The following MTUS2 variants were observed in gnomAD, a reference collection of about 807,000 sequenced individuals.
MTUS2 encodes microtubule associated scaffold protein 2, also known as microtubule-associated tumor suppressor candidate 2.
A neutral mutation model predicts 114.1 loss-of-function variants in MTUS2; 40 were observed. The ratio of observed to expected loss-of-function variants is 0.35; its 90% CI spans 0.27 to 0.46. The LOEUF (loss-of-function observed/expected upper bound fraction) is 0.46. Ranked by LOEUF, MTUS2 falls within the 20% of genes least tolerant of loss-of-function variation. The pLI is 1.00. For missense variants in MTUS2, 1,679 were observed against 1,705.4 expected (o/e 0.98, Z 0.27); for synonymous variants, 688 against 672.0 (o/e 1.02, Z -0.37).
At chr13:29,076,350 A>G (rs2475521) in intron 4 of MTUS2, among the ~76,000 whole-genome samples, 152,331 of 152,370 alleles carry the variant, frequency 1, 76,146 homozygotes, top group Non-Finnish European at 1. Flanking sequence ...ATATGTTGCT[A>G]AATAACAAAT....
intron 2 of MTUS2, among the ~76,000 whole-genome samples, chr13:28,933,041 G>A (rs1881698705): frequency 6.6e-6 from 1 of 151,730 alleles, no homozygotes; most frequent in African/African-American, 2.4e-5. Flanking sequence ...GTGTCTCCTG[G>A]AAATTTGTTA....
At chr13:29,358,088 T>G (rs373986620) in intron 7 of MTUS2, among the ~76,000 whole-genome samples, 1 of 152,166 alleles carries the variant, frequency 6.6e-6, no homozygotes, top group Non-Finnish European at 1.5e-5. Context: ...GATTTATGAT[T>G]GTGCTGGTCA....
At chr13:28,874,019 T>G in intron 2 of MTUS2, among the ~76,000 whole-genome samples, 1 of 152,208 alleles carries the variant, frequency 6.6e-6, no homozygotes, top group South Asian at 2.1e-4. Flanking sequence ...TGAGATGAAC[T>G]TAATTTTTTC....
At chr13:28,934,193 A>G (rs1198601040) in intron 2 of MTUS2, among the ~76,000 whole-genome samples, 1 of 152,246 alleles carries the variant, frequency 6.6e-6, no homozygotes, top group East Asian at 1.9e-4. Flanking sequence ...AGTGTAACAC[A>G]AAAGTCAGCC....
At chr13:29,355,252 TG>T (rs2138203892) in intron 7 of MTUS2, among the ~76,000 whole-genome samples, 1 of 152,360 alleles carries the variant, frequency 6.6e-6, no homozygotes, top group South Asian at 2.1e-4. Context: ...GCAAACTGTT[TG>T]CATCCACCTT....
At position 29,143,699 on chromosome 13, in the gene MTUS2, A is replaced by G. The variant is rs75607259; in HGVS notation, c.2644+42729A>G. Among the ~76,000 whole-genome samples, 421 of 152,330 alleles carry G rather than the reference A, an allele frequency of 2.8e-3. 2 individuals carry two copies. Among genetic ancestry groups the G allele is most frequent in the African/African-American group, 9.6e-3 (399 of 41,584 alleles). Reference sequence around the variant, plus strand: ...ATGAAATATTTAGTTGGAGAAAAGTAGCTAGCTCATTGAAGTAACTGATGA... The same window carrying G: ...ATGAAATATTTAGTTGGAGAAAAGTGGCTAGCTCATTGAAGTAACTGATGA... On this transcript the variant is annotated intron_variant, in intron 5 of 15. Coordinates refer to ENST00000612955, the MANE Select transcript of MTUS2 (RefSeq NM_001033602.4).
chr13:29,363,549 A>G (rs981458856), intron 8 of MTUS2, among the ~76,000 whole-genome samples: 2 of 152,170 alleles, frequency 1.3e-5, no homozygotes, highest in African/African-American at 4.8e-5. Context: ...ACCTTTTATC[A>G]CAAAAAAAAT....
At chr13:29,342,444 A>G (rs1901449397) in intron 7 of MTUS2, among the ~76,000 whole-genome samples, 1 of 151,890 alleles carries the variant, frequency 6.6e-6, no homozygotes, top group Non-Finnish European at 1.5e-5. Flanking sequence ...TGAGTTCTTG[A>G]TTTGATTGTC....
chr13:29,234,199 A>G (rs1221521801), intron 5 of MTUS2, among the ~76,000 whole-genome samples: 2 of 152,188 alleles, frequency 1.3e-5, no homozygotes, highest in Non-Finnish European at 2.9e-5. Flanking sequence ...TTTTCACTTC[A>G]AAGATATCTA....
intron 8 of MTUS2, among the ~76,000 whole-genome samples, chr13:29,392,647 T>C (rs938458703): frequency 2.0e-5 from 3 of 152,226 alleles, no homozygotes; most frequent in Admixed American, 6.5e-5. Context: ...TGCTCCTAGC[T>C]CAGCAACTGG....
At chr13:28,837,920 T>C (rs1875205987) in intron 1 of MTUS2, among the ~76,000 whole-genome samples, 1 of 151,338 alleles carries the variant, frequency 6.6e-6, no homozygotes, top group African/African-American at 2.5e-5. Flanking sequence ...TTTACTTTGC[T>C]TGCATTTCAT....
At chr13:28,832,771 C>CAGTA (rs1555265978) in intron 1 of MTUS2, among the ~76,000 whole-genome samples, 2 of 2,882 alleles carry the variant, frequency 6.9e-4, no homozygotes, top group Non-Finnish European at 1.5e-3. Flanking sequence ...AATAGAAAAA[C>CAGTA]AATAAAATCA....
At chr13:28,952,740 C>T (rs921966358) in intron 2 of MTUS2, among the ~76,000 whole-genome samples, 4 of 152,196 alleles carry the variant, frequency 2.6e-5, no homozygotes, top group African/African-American at 7.2e-5. Flanking sequence ...AACAAAACTT[C>T]GTAGAAGCAT....
intron 5 of MTUS2, among the ~76,000 whole-genome samples, chr13:29,166,772 C>G (rs1893333366): frequency 6.6e-6 from 1 of 152,052 alleles, no homozygotes; most frequent in Non-Finnish European, 1.5e-5. Context: ...GGTCAGTAGC[C>G]TACCATTGTT....
At position 29,393,435 on chromosome 13, in the gene MTUS2, C is replaced by A. The variant is rs544377034; in HGVS notation, c.3117+33962C>A. ...TCTCCCAAAATGGACCTGCAGCTAC[C>A]CCATAACTTTCTGATGAATAACACC... On this transcript the variant is annotated intron_variant, in intron 8 of 15. Coordinates refer to ENST00000612955, the MANE Select transcript of MTUS2 (RefSeq NM_001033602.4). Among the ~76,000 whole-genome samples, 95 of 152,258 alleles carry A rather than the reference C, an allele frequency of 6.2e-4. 1 individual carries two copies. Among genetic ancestry groups the A allele is most frequent in the African/African-American group, 2.2e-3 (93 of 41,550 alleles).
intron 4 of MTUS2, among the ~76,000 whole-genome samples, chr13:29,044,929 C>G (rs1266412352): frequency 1.3e-5 from 2 of 152,138 alleles, no homozygotes; most frequent in Non-Finnish European, 2.9e-5. Flanking sequence ...TCCTTGCTGG[C>G]TATCAGTCAG....
chr13:29,281,751 C>T lies in MTUS2; in HGVS notation c.2692C>T (p.Pro898Ser). 6.2e-7 allele frequency: 1 copy of T among 1,611,116 alleles called. No individual in the cohort carries two copies. Among genetic ancestry groups the T allele is most frequent in the Non-Finnish European group, 8.5e-7 (1 of 1,177,556 alleles). The part of the protein sequence containing the change: ...EEQPVLKASL[P>S]SKDTPKGAGR... ...ACAGCCAGTTCTGAAGGCATCTCTG[C>T]CTTCTAAGGACACACCCAAGGGGGC... Residue 898 changes from proline to serine, a missense_variant, in exon 6 of 16, where the codon CCT becomes TCT. Pro to Ser is a moderately conservative substitution (Grantham distance 74). Coordinates refer to ENST00000612955, the MANE Select transcript of MTUS2 (RefSeq NM_001033602.4).
At chr13:29,095,721 C>CT (rs35185631) in intron 4 of MTUS2, among the ~76,000 whole-genome samples, 145,308 of 150,090 alleles carry the variant, frequency 0.97, 70,410 homozygotes, top group Non-Finnish European at 0.99. Context: ...TTCAAGTTCA[C>CT]TTTTTTTTTC....
intron 2 of MTUS2, among the ~76,000 whole-genome samples, chr13:28,974,675 G>T (rs542893706): frequency 2.0e-5 from 3 of 152,230 alleles, no homozygotes; most frequent in African/African-American, 7.2e-5. Flanking sequence ...TACAGCTCCT[G>T]TTCCTTTAGA....
Sources: gnomAD v4.1 joint callset for allele counts (sites outside exome capture counted in the v4.1 genomes callset) on GRCh38, gnomAD v4.1.1 for gene constraint, MANE v1.5 for transcripts, NCBI Gene and HGNC (gene_info 2026-07-23, HGNC 2026-07-21) for gene names.